The following CCDC149 variants were observed in gnomAD, a reference collection of about 807,000 sequenced individuals.
The protein encoded by CCDC149 is coiled-coil domain containing 149, also known as coiled-coil domain-containing protein 149.
Under a neutral mutation model 59.9 loss-of-function variants are expected in CCDC149, and 45 were observed. The ratio of observed to expected loss-of-function variants is 0.75; its 90% CI spans 0.59 to 0.96. CCDC149 has a LOEUF of 0.96. CCDC149 is among the 40% of genes least tolerant of loss of function. The pLI, the probability that CCDC149 is intolerant of heterozygous loss-of-function variation, is 0.00. For synonymous variants in CCDC149, 245 were observed against 260.6 expected, an observed-to-expected ratio of 0.94 and a Z score of 0.58; for missense variants, 584 against 664.7, an observed-to-expected ratio of 0.88 and a Z score of 1.33.
At chr4:24,934,924 T>C (rs902384535) in intron 1 of CCDC149, among the ~76,000 whole-genome samples, 1 of 152,242 alleles carries the variant, frequency 6.6e-6, no homozygotes, top group Admixed American at 6.5e-5. Flanking sequence ...TTGAAGGTCA[T>C]GATCAGATCT....
At chr4:24,913,678 T>A (rs1447216501), upstream of CCDC149, among the ~76,000 whole-genome samples, 2 of 152,204 alleles carry the variant, frequency 1.3e-5, no homozygotes, top group Non-Finnish European at 2.9e-5. Flanking sequence ...ATTCCATGGC[T>A]CATGCCTGTA....
chr4:24,890,222 A>G (rs1286253527), intron 1 of CCDC149, among the ~76,000 whole-genome samples: 1 of 152,220 alleles, frequency 6.6e-6, no homozygotes, highest in Non-Finnish European at 1.5e-5. Flanking sequence ...AGCCAGCAGC[A>G]TTTTGAAGCC....
chr4:24,823,926 G>A (rs1479849944), intron 9 of CCDC149, among the ~76,000 whole-genome samples: 3 of 152,072 alleles, frequency 2.0e-5, no homozygotes, highest in Non-Finnish European at 4.4e-5. Context: ...CCCTTCAATA[G>A]ACACTATCCT....
intron 3 of CCDC149, among the ~76,000 whole-genome samples, chr4:24,866,175 A>G (rs1318230734): frequency 6.6e-6 from 1 of 152,138 alleles, no homozygotes; most frequent in African/African-American, 2.4e-5. Flanking sequence ...GGGCCACTCT[A>G]TGCTCTGATT....
intron 12 of CCDC149, among the ~76,000 whole-genome samples, chr4:24,817,161 T>C (rs1715070490): frequency 6.6e-6 from 1 of 152,142 alleles, no homozygotes; most frequent in African/African-American, 2.4e-5. Context: ...ATGCTCCGTT[T>C]CAGGTTAGCA....
At chr4:24,803,669 A>G (rs1713987466), downstream of CCDC149, among the ~76,000 whole-genome samples, 1 of 152,238 alleles carries the variant, frequency 6.6e-6, no homozygotes, top group Admixed American at 6.5e-5. This position sits in a 1 kb window ranked among gnomAD's most constrained non-coding sequence, Gnocchi z 4.3. Flanking sequence ...GGTTTTAAAA[A>G]CAAAGCCAAT....
At chr4:24,881,439 A>G (rs12499851) in intron 1 of CCDC149, among the ~76,000 whole-genome samples, 63,935 of 152,130 alleles carry the variant, frequency 0.42, 14,609 homozygotes, top group Non-Finnish European at 0.52. Context: ...TGGTGGAAGC[A>G]CAGGTTGCTA....
chr4:24,939,202 G>C (rs1462854757), intron 1 of CCDC149, among the ~76,000 whole-genome samples: 1 of 152,314 alleles, frequency 6.6e-6, no homozygotes, highest in African/African-American at 2.4e-5. Context: ...AAAACTTCCA[G>C]AGGAACGATC....
rs1315883224 is a variant in CCDC149, at chr4:24,831,561, A to G, written c.910T>C (p.Leu304=). The G allele has an allele frequency of 2.5e-6, 4 of 1,614,084 alleles. 1 individual carries two copies. In the East Asian group the frequency reaches 6.7e-5, roughly 27 times the overall value. ...ATGTTTTTCTCGTGGATTGTTTCCA[A>G]CAGGGCTGTTGCCAGAGATTTCAGG... Residue 304 remains leucine (L), a synonymous_variant, in exon 9 of 13, where the codon TTG becomes CTG. Transcript: ENST00000635206.
intron 1 of CCDC149, among the ~76,000 whole-genome samples, chr4:24,937,349 A>T (rs1484596522): frequency 6.6e-6 from 1 of 152,144 alleles, no homozygotes. Flanking sequence ...CTCACTCAAG[A>T]CTCCAAGTCT....
intron 12 of CCDC149, among the ~76,000 whole-genome samples, chr4:24,813,525 T>TATATATATATATATATAA (rs1252452441): frequency 1.2e-5 from 1 of 83,000 alleles, no homozygotes; most frequent in Admixed American, 1.4e-4. Context: ...TATATATATA[T>TATATATATATATATATAA]ATAAAACCTA....
intron 3 of CCDC149, among the ~76,000 whole-genome samples, chr4:24,858,664 C>A (rs1718184505): frequency 6.6e-6 from 1 of 152,184 alleles, no homozygotes; most frequent in African/African-American, 2.4e-5. Flanking sequence ...ACAACTCAAT[C>A]CCCAATTATA....
rs1714400803 is a variant in CCDC149 at position 24,808,834 on chromosome 4, A to T, written c.1193-15T>A. The T allele has an allele frequency of 2.4e-5, 37 of 1,535,356 alleles. No homozygotes were observed. Among genetic ancestry groups the T allele is most frequent in the Non-Finnish European group, 3.2e-5 (36 of 1,140,010 alleles). The stretch of plus-strand genomic sequence containing the variant: ...CTGAGCCTCCCCTGAAAACAGAACG[A>T]GGACAACATTAAACCTCTGGCAGCA... On this transcript the variant is annotated splice_polypyrimidine_tract_variant and intron_variant, in intron 12 of 12. Transcript: ENST00000635206.
chr4:24,908,845 G>C (rs1421789378), intron 1 of CCDC149, among the ~76,000 whole-genome samples: 2 of 152,224 alleles, frequency 1.3e-5, no homozygotes, highest in Non-Finnish European at 2.9e-5. Context: ...AATTCAAATA[G>C]TGAAATGGAA....
intron 2 of CCDC149, among the ~76,000 whole-genome samples, chr4:24,874,952 C>T (rs1466827259): frequency 3.9e-5 from 6 of 152,084 alleles, no homozygotes; most frequent in Admixed American, 3.3e-4. Context: ...GCGCAGGATA[C>T]GAGAAAGGTT....
chr4:24,834,426 G>A (rs1716360510), intron 8 of CCDC149, among the ~76,000 whole-genome samples: 1 of 152,118 alleles, frequency 6.6e-6, no homozygotes, highest in Admixed American at 6.5e-5. Flanking sequence ...ATCAATAAAA[G>A]CTTCTTCGAA....
intron 3 of CCDC149, among the ~76,000 whole-genome samples, chr4:24,869,127 C>T (rs570823281): frequency 6.6e-6 from 1 of 152,320 alleles, no homozygotes; most frequent in South Asian, 2.1e-4. Flanking sequence ...GGCTATGACA[C>T]TGTCTACCCC....
chr4:24,876,819 C>T, intron 1 of CCDC149, 122 bp from the exon 2 acceptor site: 1 of 935,532 alleles, frequency 1.1e-6, no homozygotes, highest in Admixed American at 2.8e-5. Flanking sequence ...AGCTCATGTG[C>T]CGAGAGAGAC....
intron 1 of CCDC149, among the ~76,000 whole-genome samples, chr4:24,877,175 C>G (rs1049989967): frequency 6.4e-4 from 97 of 151,080 alleles, no homozygotes; most frequent in African/African-American, 2.3e-3. Context: ...GGTTTTTTGT[C>G]TGTTTGTTTG....
Sources: gnomAD v4.1 joint callset for allele counts (sites outside exome capture counted in the v4.1 genomes callset) on GRCh38, gnomAD v4.1.1 for gene constraint, Gnocchi (gnomAD v3.1) non-coding constraint, MANE v1.5 for transcripts, NCBI Gene and HGNC (gene_info 2026-07-23, HGNC 2026-07-21) for gene names.